Variants in CACNA1E observed in about 807,000 individuals in gnomAD.
CACNA1E encodes calcium voltage-gated channel subunit alpha1 E.
Under a neutral mutation model 259.2 loss-of-function variants are expected in CACNA1E, and 40 were observed. The ratio of observed to expected loss-of-function variants is 0.15; its 90% CI spans 0.12 to 0.20. The LOEUF is 0.20. CACNA1E is among the 10% of genes least tolerant of loss of function. The pLI is 1.00. For missense variants in CACNA1E, 1,874 were observed against 3,040.1 expected, an observed-to-expected ratio of 0.62 and a Z score of 9.02; for synonymous variants, 1,104 against 1,138.5, an observed-to-expected ratio of 0.97 and a Z score of 0.61.
At chr1:181,340,995 A>G (rs369345094) in intron 1 of CACNA1E, among the ~76,000 whole-genome samples, 1 of 152,186 alleles carries the variant, frequency 6.6e-6, no homozygotes. Flanking sequence ...GAAGTAATTG[A>G]CCCTTGGCAG....
At chr1:181,317,712 C>G (rs561541158) in exon 1 of CACNA1E, 10 of 151,334 alleles carry the variant, frequency 6.6e-5, no homozygotes, top group African/African-American at 2.4e-4. Flanking sequence ...TCGCGCGTGC[C>G]GCCCGTGTCT....
At chr1:181,393,486 C>T (rs539001497) in intron 1 of CACNA1E, among the ~76,000 whole-genome samples, 3 of 152,212 alleles carry the variant, frequency 2.0e-5, no homozygotes, top group African/African-American at 4.8e-5. Context: ...GAAACAGGGT[C>T]TCCCTCTGTC....
chr1:181,530,628 C>G (rs192636668), intron 3 of CACNA1E, among the ~76,000 whole-genome samples: 2 of 152,150 alleles, frequency 1.3e-5, no homozygotes, highest in African/African-American at 4.8e-5. Context: ...GCTTACAGAA[C>G]CATCGAAGAG....
intron 1 of CACNA1E, among the ~76,000 whole-genome samples, chr1:181,363,747 G>A (rs564083847): frequency 3.7e-4 from 57 of 152,336 alleles, no homozygotes; most frequent in Non-Finnish European, 7.6e-4. Flanking sequence ...GATGATGTGG[G>A]AAGTTGCCAA....
chr1:181,404,977 C>G (rs1396501827), intron 1 of CACNA1E, among the ~76,000 whole-genome samples: 1 of 152,234 alleles, frequency 6.6e-6, no homozygotes, highest in East Asian at 1.9e-4. Context: ...GGTGGCAACT[C>G]AGACTGGCTC....
intron 7 of CACNA1E, among the ~76,000 whole-genome samples, chr1:181,679,336 T>C (rs1422638234): frequency 2.0e-5 from 3 of 152,170 alleles, no homozygotes; most frequent in Non-Finnish European, 2.9e-5. Context: ...GATCCCCAGT[T>C]AGTAAATTGG....
At chr1:181,700,323 T>G (rs1230205458) in intron 7 of CACNA1E, among the ~76,000 whole-genome samples, 2 of 152,160 alleles carry the variant, frequency 1.3e-5, no homozygotes, top group African/African-American at 4.8e-5. Context: ...CTCAGTTGTT[T>G]TAGGTCAAGG....
chr1:181,526,851 A>G (rs1667399217), intron 3 of CACNA1E, among the ~76,000 whole-genome samples: 1 of 152,230 alleles, frequency 6.6e-6, no homozygotes, highest in South Asian at 2.1e-4. Context: ...GGTATGATAT[A>G]TGTTGAGCAT....
intron 1 of CACNA1E, among the ~76,000 whole-genome samples, chr1:181,383,820 G>A (rs1655637345): frequency 6.6e-6 from 1 of 152,212 alleles, no homozygotes; most frequent in Non-Finnish European, 1.5e-5. Flanking sequence ...GTAGGCAAAA[G>A]GGATGTGTGG....
intron 1 of CACNA1E, among the ~76,000 whole-genome samples, chr1:181,318,503 C>T (rs1322620108): frequency 1.3e-5 from 2 of 152,206 alleles, no homozygotes; most frequent in Admixed American, 6.5e-5. Flanking sequence ...ACTCACGCGC[C>T]GCCGGGGAGC....
At chr1:181,390,901 G>C (rs567881614) in intron 1 of CACNA1E, among the ~76,000 whole-genome samples, 1 of 152,180 alleles carries the variant, frequency 6.6e-6, no homozygotes, top group African/African-American at 2.4e-5. Context: ...GATGCCCGAG[G>C]CTTCATGAAG....
At chr1:181,720,980 C>T (rs1055929391) in intron 15 of CACNA1E, 125 bp downstream of exon 15, 2 of 671,422 alleles carry the variant, frequency 3.0e-6, no homozygotes, top group Non-Finnish European at 2.6e-6. Flanking sequence ...GGGATTGAGG[C>T]ACTCTTTCTA....
chr1:181,350,747 C>T (rs1224990110), intron 1 of CACNA1E, among the ~76,000 whole-genome samples: 3 of 152,110 alleles, frequency 2.0e-5, no homozygotes, highest in Non-Finnish European at 4.4e-5. Context: ...CAGAAATGCC[C>T]ACCCTGCTTT....
At chr1:181,341,900 C>T (rs1049235509) in intron 1 of CACNA1E, among the ~76,000 whole-genome samples, 1 of 152,166 alleles carries the variant, frequency 6.6e-6, no homozygotes, top group African/African-American at 2.4e-5. Flanking sequence ...GAGAATGCAG[C>T]AGTGAACAAG....
Position 181,372,786 on chromosome 1 carries a change from T to C in CACNA1E, c.-14-40347T>C, listed in dbSNP as rs115968366. On this transcript the variant is annotated intron_variant, in intron 1 of 11. Coordinates refer to the CACNA1E transcript ENST00000524607. ...TCCTTTGATACCTAGTTTGTTGAGC[T>C]ACTAGCTCATGAAGGGATGTTGAAT... 9.5e-3 allele frequency among the ~76,000 whole-genome samples: 1,439 copies of C among 150,934 alleles called. 19 individuals are homozygous for C. Among genetic ancestry groups the C allele is most frequent in the African/African-American group, 0.033 (1,344 of 41,094 alleles).
At chr1:181,479,583 C>T (rs999696445), upstream of CACNA1E, among the ~76,000 whole-genome samples, 1 of 152,178 alleles carries the variant, frequency 6.6e-6, no homozygotes, top group Non-Finnish European at 1.5e-5. Flanking sequence ...GTATTCTGGT[C>T]ATGAACTTTT....
intron 18 of CACNA1E, among the ~76,000 whole-genome samples, chr1:181,728,582 C>A (rs1041874289): frequency 6.7e-6 from 1 of 149,982 alleles, no homozygotes; most frequent in Non-Finnish European, 1.5e-5. Context: ...ACGTGTGCAC[C>A]CTGCTCGTGT....
chr1:181,557,271 G>A lies in CACNA1E; in HGVS notation c.513-20495G>A, dbSNP rs529828694. 3.5e-4 allele frequency among the ~76,000 whole-genome samples: 54 copies of A among 152,352 alleles called. No individual in the cohort carries two copies. The Middle Eastern group carries it at 0.01, about 29-fold the overall frequency. On this transcript the variant is annotated intron_variant, in intron 3 of 47. Transcript: ENST00000367573. Reference sequence around the variant, plus strand: ...TGGAAGGGCATGGGGAGGAGCCAGTGACAGATGTGGTGGGATCCATAGAAA... The same window carrying A: ...TGGAAGGGCATGGGGAGGAGCCAGTAACAGATGTGGTGGGATCCATAGAAA...
intron 10 of CACNA1E, among the ~76,000 whole-genome samples, chr1:181,716,733 A>C (rs1386366634): frequency 1.3e-5 from 2 of 152,232 alleles, no homozygotes; most frequent in Admixed American, 1.3e-4. Flanking sequence ...TTGTGCCACC[A>C]GTGGTAGAAA....
Sources: allele counts gnomAD v4.1 joint callset (sites outside exome capture counted in the v4.1 genomes callset), GRCh38; gene constraint gnomAD v4.1.1; transcripts MANE v1.5; gene names NCBI Gene and HGNC (gene_info 2026-07-23, HGNC 2026-07-21).